Variants in MON1B observed in about 807,000 individuals in gnomAD.
The protein encoded by MON1B is vacuolar fusion protein MON1 homolog B.
A neutral mutation model predicts 45.1 loss-of-function variants in MON1B; 26 were observed. The observed-to-expected ratio is 0.58, with a 90% confidence interval of 0.42 to 0.80. The LOEUF is 0.80. Among genes scored for constraint, MON1B ranks in the 30% least tolerant of loss-of-function variants. The pLI is 0.00. For missense variants in MON1B, 737 were observed against 754.5 expected, an observed-to-expected ratio of 0.98 and a Z score of 0.27; for synonymous variants, 395 against 320.2, an observed-to-expected ratio of 1.23 and a Z score of -2.49.
At position 77,198,485 on chromosome 16, in the gene MON1B, A is replaced by G; in HGVS notation, c.*177A>G. 2 of 685,476 alleles carry G rather than the reference A, an allele frequency of 2.9e-6. No homozygotes were observed. The highest frequency in any genetic ancestry group is 2.7e-5 in the East Asian group (1 of 36,708). 42.5% of individuals were successfully genotyped at this position (685,476 alleles called of 1,614,324 possible). On this transcript the variant is annotated 3_prime_UTR_variant, in exon 6 of 6. Transcript: ENST00000248248. Reference sequence around the variant, plus strand: ...AGATGGTGGCAGCCGCCAGGCGAGCAGGCTGCTTTCCCTGCCCAGTCATGC... The same window carrying G: ...AGATGGTGGCAGCCGCCAGGCGAGCGGGCTGCTTTCCCTGCCCAGTCATGC...
At position 77,195,115 on chromosome 16, in the gene MON1B, A is replaced by T; in HGVS notation, c.1256A>T (p.Asp419Val). ...GLRHFLYKPLDIPDHHRQLPQ... is the reference protein window; with the variant it reads ...GLRHFLYKPLVIPDHHRQLPQ... ...CGGCACTTCCTGTATAAGCCGCTGG[A>T]CATCCCTGACCACCACCGCCAACTG... The change falls in exon 4 of 6, where the codon GAC (aspartate) becomes GTC (valine). Residue 419 changes from aspartate to valine, a missense_variant. Physicochemically the swap from Asp to Val is radical, Grantham distance 152. Transcript: ENST00000248248. The T allele has an allele frequency of 6.3e-7, 1 of 1,599,418 alleles. No individual in the cohort carries two copies. The highest frequency in any genetic ancestry group is 8.5e-7 in the Non-Finnish European group (1 of 1,179,482).
At position 77,194,921 on chromosome 16, in the gene MON1B, C is replaced by A; in HGVS notation, c.1062C>A (p.Gly354=). 1 of 1,613,652 alleles carries A rather than the reference C, an allele frequency of 6.2e-7. No individual in the cohort carries two copies. The highest frequency in any genetic ancestry group is 8.5e-7 in the Non-Finnish European group (1 of 1,180,016). ...DAMPVCLLLL[G]TQREAFHAMA... ...TGCCTGTCTGCCTGCTGCTGCTTGG[C>A]ACCCAACGTGAAGCCTTCCATGCCA... The change falls in exon 4 of 6, where the codon GGC becomes GGA. Residue 354 remains glycine (G), a synonymous_variant. Coordinates refer to ENST00000248248, the MANE Select transcript of MON1B (RefSeq NM_014940.4). This position sits in a 1 kb window ranked among gnomAD's most constrained non-coding sequence, Gnocchi z 8.1.
In MON1B at chr16:77,198,428, T is replaced by G. The variant is rs2054690281; in HGVS notation, c.*120T>G. 2.6e-6 allele frequency: 3 copies of G among 1,156,128 alleles called. No individual in the cohort carries two copies. Among genetic ancestry groups the G allele is most frequent in the Non-Finnish European group, 3.7e-6 (3 of 802,704 alleles). 71.6% of individuals were successfully genotyped at this position (1,156,128 alleles called of 1,614,324 possible). On this transcript the variant is annotated 3_prime_UTR_variant, in exon 6 of 6. Coordinates refer to ENST00000248248, the MANE Select transcript of MON1B (RefSeq NM_014940.4). ...GGCCAGTCATTGTCTCCCTAAGCAATGGGGCAAGGTCTGAGGGCCCACCGA... is the reference window on the plus strand; with the variant it reads ...GGCCAGTCATTGTCTCCCTAAGCAAGGGGGCAAGGTCTGAGGGCCCACCGA...
Position 77,193,458 on chromosome 16 carries a change from G to C in MON1B, c.156G>C (p.Lys52Asn), listed in dbSNP as rs2054633304. The C allele has an allele frequency of 1.9e-6, 3 of 1,550,006 alleles. No individual in the cohort carries two copies. Among genetic ancestry groups the C allele is most frequent in the South Asian group, 1.2e-5 (1 of 81,042 alleles). ...CCAGGGGCTCCCTTTCAGGATCCAA[G>C]GACAAGGACCAGCCACCCAGCCCAT... Reference protein sequence around the residue: ...EDEGLEETGSKDKDQPPSPSP... With the variant: ...EDEGLEETGSNDKDQPPSPSP... The change falls in exon 3 of 6, where the codon AAG becomes AAC. Residue 52 changes from lysine to asparagine, a missense_variant. Coordinates refer to ENST00000248248, the MANE Select transcript of MON1B (RefSeq NM_014940.4). This position sits in a 1 kb window ranked among gnomAD's most constrained non-coding sequence, Gnocchi z 5.0.
Position 77,202,229 on chromosome 16 carries a change from A to G in MON1B, c.*3921A>G, listed in dbSNP as rs1329239118. 6.6e-6 allele frequency: 1 copy of G among 152,210 alleles called. No individual in the cohort carries two copies. Among genetic ancestry groups the G allele is most frequent in the African/African-American group, 2.4e-5 (1 of 41,458 alleles). The allele number at this position is 152,210 out of a possible 1,614,324, so 9.4% of individuals were successfully genotyped here. ...GGTAGATTCCCTTTGTATATAGGAA[A>G]TAGACACTGGAATAGTAAGGAGTAG... On this transcript the variant is annotated 3_prime_UTR_variant, in exon 6 of 6. Transcript: ENST00000248248.
Position 77,193,834 on chromosome 16 carries a change from C to A in MON1B, c.475+57C>A. 1.3e-6 allele frequency: 2 copies of A among 1,529,616 alleles called. No homozygotes were observed. Among genetic ancestry groups the A allele is most frequent in the South Asian group, 1.2e-5 (1 of 80,848 alleles). 94.8% of individuals were successfully genotyped at this position (1,529,616 alleles called of 1,614,324 possible). A position where few individuals can be genotyped will look rare whatever the true frequency, so the allele number is the denominator to read the frequency against. ...ACAGTGACTGGGAATATGGCTGGCA[C>A]GGGTAGGTCTGTCTGCCTCAGGCAC... On this transcript the variant is annotated intron_variant, in intron 3 of 5. Transcript: ENST00000248248. The surrounding 1 kb of genome is among the most constrained non-coding windows in gnomAD (Gnocchi z 5.0).
In MON1B at chr16:77,200,763, AAAG is replaced by A. The variant is rs1343543262; in HGVS notation, c.*2458_*2460del. On this transcript the variant is annotated 3_prime_UTR_variant, in exon 6 of 6. Transcript: ENST00000248248. ...AGAGTGAGCAAAAAAAAAAAAAAAA[AAAG>A]AAAAAACAAAAAGAAAAAAATCTCC... 2 of 104,786 alleles carry A rather than the reference AAAG, an allele frequency of 1.9e-5. No individual in the cohort carries two copies. The highest frequency in any genetic ancestry group is 5.3e-5 in the African/African-American group (2 of 37,950). The allele number at this position is 104,786 out of a possible 1,614,324, so 6.5% of individuals were successfully genotyped here.
Position 77,202,152 on chromosome 16 carries a change from A to G in MON1B, c.*3844A>G, listed in dbSNP as rs998710622. On this transcript the variant is annotated 3_prime_UTR_variant, in exon 6 of 6. Transcript: ENST00000248248. ...AATGGCACCTGAGGATCCTATATTCATATTGGATCAGTATTAACATCCAGG... is the reference window on the plus strand; with the variant it reads ...AATGGCACCTGAGGATCCTATATTCGTATTGGATCAGTATTAACATCCAGG... The G allele has an allele frequency of 1.3e-5, 2 of 152,254 alleles. No homozygotes were observed. Among genetic ancestry groups the G allele is most frequent in the Non-Finnish European group, 2.9e-5 (2 of 68,040 alleles). 9.4% of individuals were successfully genotyped at this position (152,254 alleles called of 1,614,324 possible).
chr16:77,193,735 T>C lies in MON1B; in HGVS notation c.433T>C (p.Phe145Leu). 6.2e-7 allele frequency: 1 copy of C among 1,613,932 alleles called. No individual in the cohort carries two copies. The highest frequency in any genetic ancestry group is 8.5e-7 in the Non-Finnish European group (1 of 1,179,876). ...GGGTGTAATGACCGCCCTGGTGTCC[T>C]TTGTGCAGAGTGCGGGAGATGCCAT... ...TMGVMTALVS[F>L]VQSAGDAIRA... Residue 145 changes from phenylalanine (F) to leucine (L), a missense_variant, in exon 3 of 6, where the codon TTT becomes CTT. Coordinates refer to ENST00000248248, the MANE Select transcript of MON1B (RefSeq NM_014940.4). This position sits in a 1 kb window ranked among gnomAD's most constrained non-coding sequence, Gnocchi z 5.0.
rs772921797 is a variant in MON1B at position 77,191,482 on chromosome 16, G to A, written c.-4G>A. 6.2e-7 allele frequency: 1 copy of A among 1,600,564 alleles called. No homozygotes were observed. Among genetic ancestry groups the A allele is most frequent in the Middle Eastern group, 1.9e-4 (1 of 5,206 alleles). On this transcript the variant is annotated 5_prime_UTR_variant, in exon 2 of 6. Transcript: ENST00000248248. ...CGATTCCCCTCCCACTCAGGGATGTGCAGATGGAGGTCGGAGGAGACACTG... is the reference window on the plus strand; with the variant it reads ...CGATTCCCCTCCCACTCAGGGATGTACAGATGGAGGTCGGAGGAGACACTG...
chr16:77,194,009 G>C lies in MON1B; in HGVS notation c.475+232G>C, dbSNP rs575024180. 77 of 603,422 alleles carry C rather than the reference G, an allele frequency of 1.3e-4. No individual in the cohort carries two copies. Among genetic ancestry groups the C allele is most frequent in the Non-Finnish European group, 2.0e-4 (69 of 340,954 alleles). The allele number at this position is 603,422 out of a possible 1,614,324, so 37.4% of individuals were successfully genotyped here. Reference sequence around the variant, plus strand: ...TCTCAGTGACTAGCTGGATACTTCTGTGTCACCTGAGAGGATAACTGTGGG... The same window carrying C: ...TCTCAGTGACTAGCTGGATACTTCTCTGTCACCTGAGAGGATAACTGTGGG... On this transcript the variant is annotated intron_variant, in intron 3 of 5. Transcript: ENST00000248248. This position sits in a 1 kb window ranked among gnomAD's most constrained non-coding sequence, Gnocchi z 8.1.
In MON1B at chr16:77,195,029, T is replaced by C; in HGVS notation, c.1170T>C (p.Ser390=). ...CCCTTGGGGAGGCTGCCAGCTTCTC[T>C]AATGCCTCATCAGCCAGTGCTCCTG... The part of the protein sequence containing the change: ...MRALGEAASF[S]NASSASAPAY... The change falls in exon 4 of 6, where the codon TCT becomes TCC. Residue 390 remains serine (S), a synonymous_variant. Transcript: ENST00000248248. 1.2e-6 allele frequency: 2 copies of C among 1,612,532 alleles called. No individual in the cohort carries two copies. The highest frequency in any genetic ancestry group is 1.7e-6 in the Non-Finnish European group (2 of 1,179,968).
chr16:77,195,489 A>G (rs1439834784), intron 4 of MON1B, 46 bp from the exon 5 acceptor site: 26 of 1,564,480 alleles, frequency 1.7e-5, no homozygotes, highest in Non-Finnish European at 2.2e-5. Flanking sequence ...GCCAGCCAAG[A>G]AGGCCCTGGA....
rs1310871566 is a variant in MON1B, at chr16:77,200,643, C to G, written c.*2335C>G. ...TGGTGGCGGGCGCCTGTAGTCCCAG[C>G]TACTGGGGAGGCTGAGGCAGGGGAA... On this transcript the variant is annotated 3_prime_UTR_variant, in exon 6 of 6. Transcript: ENST00000248248. 1 of 150,518 alleles carries G rather than the reference C, an allele frequency of 6.6e-6. No homozygotes were observed. The highest frequency in any genetic ancestry group is 1.5e-5 in the Non-Finnish European group (1 of 67,864). 9.3% of individuals were successfully genotyped at this position (150,518 alleles called of 1,614,324 possible).
In MON1B at chr16:77,198,178, T is replaced by A. The variant is rs140549273; in HGVS notation, c.1514T>A (p.Val505Glu). ...LVTKAGAILV[V>E]TKLLRWVKKE... ...ACCAAGGCAGGTGCAATCTTGGTAG[T>A]GACCAAACTCCTGCGCTGGGTGAAG... Residue 505 changes from valine (V) to glutamate (E), a missense_variant, in exon 6 of 6, where the codon GTG becomes GAG. Transcript: ENST00000248248. The A allele has an allele frequency of 6.2e-7, 1 of 1,614,062 alleles. No individual in the cohort carries two copies.
In MON1B at chr16:77,199,466, G is replaced by A. The variant is rs1036440947; in HGVS notation, c.*1158G>A. ...CGCGTTGGAAAATGGCGGGGAAGCT[G>A]AAACCTCTGAATGTGGAGGCGCCAG... On this transcript the variant is annotated 3_prime_UTR_variant, in exon 6 of 6. Transcript: ENST00000248248. 4 of 1,551,372 alleles carry A rather than the reference G, an allele frequency of 2.6e-6. No individual in the cohort carries two copies. In the African/African-American group the frequency reaches 4.1e-5, roughly 16 times the overall value.
intron 5 of MON1B, among the ~76,000 whole-genome samples, chr16:77,197,155 T>C (rs1047147076): frequency 4.0e-5 from 6 of 150,450 alleles, no homozygotes; most frequent in East Asian, 2.0e-4. Flanking sequence ...GGGGTGGGAG[T>C]TGGGGGGAGT....
At position 77,195,158 on chromosome 16, in the gene MON1B, G is replaced by C; in HGVS notation, c.1295+4G>C. 1 of 1,577,428 alleles carries C rather than the reference G, an allele frequency of 6.3e-7. No homozygotes were observed. Among genetic ancestry groups the C allele is most frequent in the East Asian group, 2.3e-5 (1 of 44,196 alleles). ...GCCAACTGCCCCAGTTTACCAGGTAGGCCCTGACCCTAAGGCAACTGGCTG... is the reference window on the plus strand; with the variant it reads ...GCCAACTGCCCCAGTTTACCAGGTACGCCCTGACCCTAAGGCAACTGGCTG... On this transcript the variant is annotated splice_donor_region_variant and intron_variant, in intron 4 of 5. Transcript: ENST00000248248.
chr16:77,198,374 C>A lies in MON1B; in HGVS notation c.*66C>A, dbSNP rs1414362806. The A allele has an allele frequency of 1.3e-6, 2 of 1,516,316 alleles. No individual in the cohort carries two copies. The highest frequency in any genetic ancestry group is 1.7e-5 in the Admixed American group (1 of 59,368). 93.9% of individuals were successfully genotyped at this position (1,516,316 alleles called of 1,614,324 possible). On this transcript the variant is annotated 3_prime_UTR_variant, in exon 6 of 6. Transcript: ENST00000248248. Reference sequence around the variant, plus strand: ...CCTTTGTTTTTTACCTTCTGTCTACCCTGGAAATGTGTGTGGGGGTGTGTC... The same window carrying A: ...CCTTTGTTTTTTACCTTCTGTCTACACTGGAAATGTGTGTGGGGGTGTGTC...
Sources: gnomAD v4.1 joint callset for allele counts (sites outside exome capture counted in the v4.1 genomes callset) on GRCh38, gnomAD v4.1.1 for gene constraint, Gnocchi (gnomAD v3.1) non-coding constraint, MANE v1.5 for transcripts, NCBI Gene and HGNC (gene_info 2026-07-23, HGNC 2026-07-21) for gene names.